INTS8: variants seen among roughly 807,000 people sequenced by gnomAD.
INTS8 encodes integrator complex subunit 8.
Under a neutral mutation model 138.9 loss-of-function variants are expected in INTS8, and 47 were observed. The ratio of observed to expected loss-of-function variants is 0.34; its 90% CI spans 0.27 to 0.43. The LOEUF is 0.43. Ranked by LOEUF, INTS8 falls within the 20% of genes least tolerant of loss-of-function variation. The probability of loss-of-function intolerance (pLI) is 1.00; values close to 1 mark genes in which losing one functional copy is unlikely to be tolerated. For missense variants in INTS8, 996 were observed against 1,173.0 expected (o/e 0.85, Z 2.20); for synonymous variants, 392 against 400.9 (o/e 0.98, Z 0.27).
chr8:94,840,680 C>G (rs1413484689), intron 8 of INTS8, among the ~76,000 whole-genome samples: 4 of 151,030 alleles, frequency 2.6e-5, no homozygotes, highest in Non-Finnish European at 5.9e-5. Flanking sequence ...GCCTCAGCCT[C>G]CCGAGTAGCT....
chr8:94,851,431 A>C, intron 12 of INTS8, 122 bp from the exon 13 acceptor site: 1 of 572,788 alleles, frequency 1.7e-6, no homozygotes, highest in Non-Finnish European at 2.8e-6. Context: ...TGAATGCATC[A>C]GTTCTCAAGA....
intron 12 of INTS8, among the ~76,000 whole-genome samples, chr8:94,850,694 CAGAA>C (rs1013202327): frequency 2.7e-5 from 4 of 148,174 alleles, no homozygotes; most frequent in African/African-American, 5.0e-5. Context: ...GAGGTAAAAA[CAGAA>C]AGCAGGAGAG....
Position 94,881,639 on chromosome 8 carries a change from T to C in INTS8, c.*1405T>C. ...TTTGCTTAGTTATCTTCTTTAGTGTTTTCCTGGTGGTTTTTCAGTGCTCTT... is the reference window on the plus strand; with the variant it reads ...TTTGCTTAGTTATCTTCTTTAGTGTCTTCCTGGTGGTTTTTCAGTGCTCTT... On this transcript the variant is annotated 3_prime_UTR_variant, in exon 27 of 27. Transcript: ENST00000523731. 6.2e-7 allele frequency: 1 copy of C among 1,613,272 alleles called. No individual in the cohort carries two copies. Among genetic ancestry groups the C allele is most frequent in the Non-Finnish European group, 8.5e-7 (1 of 1,179,768 alleles).
In INTS8 at chr8:94,833,252, C is replaced by G. The variant is rs1005189652; in HGVS notation, c.753+1078C>G. Reference sequence around the variant, plus strand: ...TAGTTATGACAGTTTTGGGAAGGTGCGTTTTCAGATTAGCTGTTTCCAGAG... The same window carrying G: ...TAGTTATGACAGTTTTGGGAAGGTGGGTTTTCAGATTAGCTGTTTCCAGAG... On this transcript the variant is annotated intron_variant, in intron 6 of 26. Coordinates refer to ENST00000523731, the MANE Select transcript of INTS8 (RefSeq NM_017864.4). 1.3e-4 allele frequency among the ~76,000 whole-genome samples: 19 copies of G among 151,796 alleles called. No individual in the cohort carries two copies. In the South Asian group the frequency reaches 3.7e-3, roughly 30 times the overall value.
At chr8:94,861,111 A>G (rs937603461) in intron 16 of INTS8, among the ~76,000 whole-genome samples, 26 of 151,650 alleles carry the variant, frequency 1.7e-4, no homozygotes, top group Non-Finnish European at 4.4e-5. Context: ...AACTTTTGTA[A>G]AACTGTGCCA....
chr8:94,846,243 T>A (rs2131023692), intron 10 of INTS8, among the ~76,000 whole-genome samples: 1 of 152,306 alleles, frequency 6.6e-6, no homozygotes, highest in East Asian at 1.9e-4. Flanking sequence ...TGCATTTTGT[T>A]TATTCCTTTT....
chr8:94,876,414 AT>A, intron 25 of INTS8, 31 bp from the exon 26 acceptor site: 1 of 1,437,110 alleles, frequency 7.0e-7, no homozygotes, highest in Non-Finnish European at 9.7e-7. Context: ...ATTTAATACT[AT>A]CAGATTTATT....
At position 94,836,546 on chromosome 8, in the gene INTS8, C is replaced by G; in HGVS notation, c.776C>G (p.Ala259Gly). The G allele has an allele frequency of 6.2e-7, 1 of 1,613,824 alleles. No individual in the cohort carries two copies. Among genetic ancestry groups the G allele is most frequent in the Non-Finnish European group, 8.5e-7 (1 of 1,179,836 alleles). ...CAGGTGTGCTATGATTTGGGCGCAG[C>G]ATACTTCCAGCAAGGCTCCACAAAT... Reference protein sequence around the residue: ...QCQVCYDLGAAYFQQGSTNSA... With the variant: ...QCQVCYDLGAGYFQQGSTNSA... The change falls in exon 7 of 27, where the codon GCA becomes GGA. Residue 259 changes from alanine to glycine, a missense_variant. Transcript: ENST00000523731.
chr8:94,876,440 C>G lies in INTS8; in HGVS notation c.2828-6C>G, dbSNP rs761596948. On this transcript the variant is annotated splice_polypyrimidine_tract_variant and splice_region_variant and intron_variant, in intron 25 of 26. Transcript: ENST00000523731. ...TCAGATTTATTTTCCTTAACTGATT[C>G]ATTAGATCTTCATCATAAAAGAGGA... is the stretch of plus-strand genomic sequence containing the variant. 9 of 1,522,884 alleles carry G rather than the reference C, an allele frequency of 5.9e-6. No individual in the cohort carries two copies. In the South Asian group the frequency reaches 8.2e-5, roughly 14 times the overall value. 94.3% of individuals were successfully genotyped at this position (1,522,884 alleles called of 1,614,324 possible).
intron 6 of INTS8, among the ~76,000 whole-genome samples, chr8:94,834,772 G>A (rs915365605): frequency 1.3e-5 from 2 of 152,028 alleles, no homozygotes; most frequent in African/African-American, 4.8e-5. Flanking sequence ...TGTTGTAGAG[G>A]CTAAGGAGAA....
At chr8:94,851,719 T>C in intron 13 of INTS8, 33 bp downstream of exon 13, 4 of 1,535,566 alleles carry the variant, frequency 2.6e-6, no homozygotes, top group Non-Finnish European at 3.5e-6. Context: ...ATAAGAAAAT[T>C]GCCCTTGTTT....
Position 94,867,406 on chromosome 8 carries a change from G to A in INTS8, c.2414+69G>A, listed in dbSNP as rs1816219752. 3.7e-6 allele frequency: 4 copies of A among 1,083,552 alleles called. No homozygotes were observed. In the East Asian group the frequency reaches 9.6e-5, roughly 26 times the overall value. 67.1% of individuals were successfully genotyped at this position (1,083,552 alleles called of 1,614,324 possible). On this transcript the variant is annotated intron_variant, in intron 20 of 26. Transcript: ENST00000523731. ...TTTGGAAACCATTCTGACTAGTATA[G>A]ATACCCTTAGATAATTTTATTAAAG...
At chr8:94,866,251 A>G in intron 18 of INTS8, 60 bp downstream of exon 18, 1 of 852,408 alleles carries the variant, frequency 1.2e-6, no homozygotes, top group South Asian at 1.4e-5. Flanking sequence ...ATATGACTAA[A>G]AATTATTGGG....
At chr8:94,839,985 G>A in intron 8 of INTS8, among the ~76,000 whole-genome samples, 1 of 152,202 alleles carries the variant, frequency 6.6e-6, no homozygotes, top group Non-Finnish European at 1.5e-5. Context: ...CCAGAGACAA[G>A]TACATGTTAC....
chr8:94,844,509 G>C (rs945325760), intron 10 of INTS8, among the ~76,000 whole-genome samples: 4 of 151,992 alleles, frequency 2.6e-5, no homozygotes, highest in African/African-American at 9.7e-5. Flanking sequence ...TAGCGACGGG[G>C]TTTTGCCATT....
In INTS8 at chr8:94,850,004, C is replaced by G. The variant is rs758865150; in HGVS notation, c.1420C>G (p.Arg474Gly). 1.2e-6 allele frequency: 2 copies of G among 1,612,368 alleles called. No individual in the cohort carries two copies. Among genetic ancestry groups the G allele is most frequent in the East Asian group, 2.2e-5 (1 of 44,860 alleles). The change falls in exon 12 of 27, where the codon CGA (arginine) becomes GGA (glycine). Residue 474 changes from arginine (R) to glycine (G), a missense_variant. By Grantham distance (125) the Arg-to-Gly change is moderately radical. Transcript: ENST00000523731. ...LFITLLKDEE[R>G]KLLVDQMRKR... is the part of the protein sequence containing the mutation. ...CATTACATTGTTGAAAGATGAAGAA[C>G]GAAAGCTACTTGTTGATCAGATGAG...
Position 94,867,152 on chromosome 8 carries a change from T to C in INTS8, c.2308T>C (p.Leu770=). 1 of 1,608,826 alleles carries C rather than the reference T, an allele frequency of 6.2e-7. No individual in the cohort carries two copies. Among genetic ancestry groups the C allele is most frequent in the Non-Finnish European group, 8.5e-7 (1 of 1,176,624 alleles). ...FIKKLREPLV[L]TIILSLFVKL... ...TTCTTTCTCATAGGAACCACTCGTTTTGACTATTATTTTATCACTCTTTGT... is the reference window on the plus strand; with the variant it reads ...TTCTTTCTCATAGGAACCACTCGTTCTGACTATTATTTTATCACTCTTTGT... Residue 770 remains leucine, a synonymous_variant, in exon 19 of 27, where the codon TTG becomes CTG. Transcript: ENST00000523731.
intron 6 of INTS8, among the ~76,000 whole-genome samples, chr8:94,833,860 C>T (rs560181542): frequency 6.6e-6 from 1 of 152,288 alleles, no homozygotes; most frequent in African/African-American, 2.4e-5. Flanking sequence ...CAACCTCCGC[C>T]TCCCAGGTTC....
Position 94,841,603 on chromosome 8 carries a change from GA to G in INTS8, c.1118+17del. The G allele has an allele frequency of 1.5e-6, 2 of 1,366,328 alleles. No homozygotes were observed. The highest frequency in any genetic ancestry group is 2.1e-6 in the Non-Finnish European group (2 of 974,856). 84.6% of individuals were successfully genotyped at this position (1,366,328 alleles called of 1,614,324 possible). A position where few individuals can be genotyped will look rare whatever the true frequency, so the allele number is the denominator to read the frequency against. ...AAAGCTCAACAGGGGTAAGTAAGTT[GA>G]AAAATTACTTCTTGATTTTTGAATA... On this transcript the variant is annotated intron_variant, in intron 9 of 26. Transcript: ENST00000523731.
Sources: gnomAD v4.1 joint callset for allele counts (sites outside exome capture counted in the v4.1 genomes callset) on GRCh38, gnomAD v4.1.1 for gene constraint, MANE v1.5 for transcripts, NCBI Gene and HGNC (gene_info 2026-07-23, HGNC 2026-07-21) for gene names.